The following CALCR variants were observed in gnomAD, a reference collection of about 807,000 sequenced individuals.
CALCR encodes the protein calcitonin receptor.
A neutral mutation model predicts 59.5 loss-of-function variants in CALCR; 47 were observed. That is an observed-to-expected ratio of 0.79 (90% confidence interval 0.63 to 1.01). The LOEUF (loss-of-function observed/expected upper bound fraction) is 1.01, where lower values mean the gene tolerates loss of function less well. CALCR is among the 50% of genes least tolerant of loss of function. The pLI is 0.00. For missense variants in CALCR, 566 were observed against 597.1 expected, an observed-to-expected ratio of 0.95 and a Z score of 0.54; for synonymous variants, 213 against 211.3, an observed-to-expected ratio of 1.01 and a Z score of -0.07.
chr7:93,543,073 T>C (rs1323215678), intron 2 of CALCR, among the ~76,000 whole-genome samples: 2 of 152,210 alleles, frequency 1.3e-5, no homozygotes, highest in Non-Finnish European at 2.9e-5. Context: ...TATTATGTAA[T>C]GCACATAATT....
intron 2 of CALCR, among the ~76,000 whole-genome samples, chr7:93,505,389 A>G: frequency 6.6e-6 from 1 of 152,202 alleles, no homozygotes; most frequent in East Asian, 1.9e-4. Context: ...AAGTTTAGTC[A>G]CGAAAGATGT....
chr7:93,471,200 CA>C (rs1270775540), intron 6 of CALCR, among the ~76,000 whole-genome samples: 1 of 151,788 alleles, frequency 6.6e-6, no homozygotes, highest in Non-Finnish European at 1.5e-5. Context: ...GCACTACTTA[CA>C]ACAATCTGGT....
At chr7:93,533,644 A>C (rs1788906633) in intron 2 of CALCR, among the ~76,000 whole-genome samples, 1 of 151,810 alleles carries the variant, frequency 6.6e-6, no homozygotes, top group South Asian at 2.1e-4. Context: ...CAGGTACTGG[A>C]AGGTTTAGGT....
chr7:93,545,128 T>C (rs1318549039), intron 2 of CALCR, among the ~76,000 whole-genome samples: 3 of 152,116 alleles, frequency 2.0e-5, no homozygotes, highest in South Asian at 4.1e-4. Flanking sequence ...TCATGTGATA[T>C]ATGTATCTTG....
At chr7:93,436,901 C>T (rs1799791006) in intron 11 of CALCR, among the ~76,000 whole-genome samples, 1 of 152,186 alleles carries the variant, frequency 6.6e-6, no homozygotes, top group African/African-American at 2.4e-5. Context: ...TATTGACCAT[C>T]TCCTTCCTCT....
At position 93,438,247 on chromosome 7, in the gene CALCR, T is replaced by A. The variant is rs775005296; in HGVS notation, c.826A>T (p.Ile276Phe). 3.7e-6 allele frequency: 6 copies of A among 1,613,652 alleles called. No individual in the cohort carries two copies. The highest frequency in any genetic ancestry group is 5.1e-6 in the Non-Finnish European group (6 of 1,179,550). ...GWGFPLVPTTIHAITRAVYFN... is the reference protein window; with the variant it reads ...GWGFPLVPTTFHAITRAVYFN... The stretch of plus-strand genomic sequence containing the variant: ...TACACGGCCCTGGTAATAGCATGGA[T>A]AGTGGTTGGCACCAGCGGGAACCCT... Residue 276 changes from isoleucine to phenylalanine, a missense_variant, in exon 10 of 14, where the codon ATC (isoleucine) becomes TTC (phenylalanine). Transcript: ENST00000426151.
chr7:93,432,898 T>C (rs555481904), intron 13 of CALCR, among the ~76,000 whole-genome samples: 3 of 152,316 alleles, frequency 2.0e-5, no homozygotes, highest in Non-Finnish European at 4.4e-5. Context: ...TTTTTATCAT[T>C]CTAAAAAATA....
intron 4 of CALCR, 130 bp downstream of exon 4, chr7:93,479,224 C>T (rs1584568748): frequency 2.2e-6 from 2 of 907,642 alleles, no homozygotes; most frequent in Non-Finnish European, 3.4e-6. Flanking sequence ...CACAAACATA[C>T]CATAGTGTGA....
At chr7:93,509,640 T>C (rs1190334838) in intron 2 of CALCR, among the ~76,000 whole-genome samples, 2 of 152,196 alleles carry the variant, frequency 1.3e-5, no homozygotes, top group African/African-American at 4.8e-5. Context: ...AGATTAACTT[T>C]CTGCCAAATA....
chr7:93,534,778 C>T (rs534434072), intron 2 of CALCR, among the ~76,000 whole-genome samples: 11 of 151,780 alleles, frequency 7.2e-5, no homozygotes, highest in African/African-American at 2.2e-4. Flanking sequence ...ACTGAAGAAA[C>T]ACACAGCTGT....
intron 7 of CALCR, among the ~76,000 whole-genome samples, chr7:93,463,009 A>T (rs541356041): frequency 1.1e-4 from 17 of 151,864 alleles, no homozygotes; most frequent in South Asian, 4.2e-4. Flanking sequence ...ATTTTTTTTT[A>T]AATTTAAAAA....
At chr7:93,525,816 ATTTGT>A (rs995371293) in intron 2 of CALCR, among the ~76,000 whole-genome samples, 8 of 151,986 alleles carry the variant, frequency 5.3e-5, no homozygotes, top group Non-Finnish European at 1.2e-4. Flanking sequence ...CAGTTTAGAG[ATTTGT>A]TTTGTATTAA....
intron 2 of CALCR, among the ~76,000 whole-genome samples, chr7:93,550,739 A>G (rs144597931): frequency 6.6e-6 from 1 of 152,086 alleles, no homozygotes; most frequent in East Asian, 1.9e-4. Context: ...AAATAACTAA[A>G]ATGCATTGAT....
At chr7:93,554,863 C>G (rs754323605) in intron 2 of CALCR, among the ~76,000 whole-genome samples, 1 of 149,954 alleles carries the variant, frequency 6.7e-6, no homozygotes, top group Non-Finnish European at 1.5e-5. Context: ...TAGTCATGTG[C>G]TGAGAACCTT....
intron 2 of CALCR, among the ~76,000 whole-genome samples, chr7:93,570,236 G>C (rs899215893): frequency 6.6e-6 from 1 of 152,104 alleles, no homozygotes; most frequent in African/African-American, 2.4e-5. Flanking sequence ...TATGAACAGA[G>C]GGGGAGAAAT....
At chr7:93,460,572 A>AATATATAT (rs57481670) in intron 8 of CALCR, among the ~76,000 whole-genome samples, 33 of 66,508 alleles carry the variant, frequency 5.0e-4, no homozygotes, top group African/African-American at 2.2e-3. Flanking sequence ...AAAAAAAAAA[A>AATATATAT]ATATATATAT....
intron 2 of CALCR, among the ~76,000 whole-genome samples, chr7:93,555,554 C>A (rs1262204889): frequency 6.6e-6 from 1 of 152,130 alleles, no homozygotes; most frequent in Non-Finnish European, 1.5e-5. Context: ...AAACCCTAAG[C>A]ATTTTGAATG....
intron 13 of CALCR, among the ~76,000 whole-genome samples, chr7:93,433,366 A>C (rs898766903): frequency 2.6e-5 from 4 of 152,218 alleles, no homozygotes; most frequent in African/African-American, 9.6e-5. Flanking sequence ...TTGGCATTAA[A>C]AGTTGTGTGG....
chr7:93,500,993 T>G (rs996110525), intron 2 of CALCR, among the ~76,000 whole-genome samples: 1 of 152,074 alleles, frequency 6.6e-6, no homozygotes, highest in African/African-American at 2.4e-5. Flanking sequence ...TTGGAAATTA[T>G]CCTTTCTTCA....
Sources: gnomAD v4.1 joint callset for allele counts (sites outside exome capture counted in the v4.1 genomes callset) on GRCh38, gnomAD v4.1.1 for gene constraint, MANE v1.5 for transcripts, NCBI Gene and HGNC (gene_info 2026-07-23, HGNC 2026-07-21) for gene names.